Variants in NRXN1 observed in about 807,000 individuals in gnomAD.
NRXN1 encodes the protein neurexin 1.
Under a neutral mutation model 150.9 loss-of-function variants are expected in NRXN1, and 39 were observed. That is an observed-to-expected ratio of 0.26 (90% confidence interval 0.20 to 0.34). NRXN1 has a LOEUF of 0.34. Among genes scored for constraint, NRXN1 ranks in the 10% least tolerant of loss-of-function variants. The pLI is 1.00. For synonymous variants in NRXN1, 924 were observed against 757.0 expected (o/e 1.22, Z -3.62); for missense variants, 1,815 against 1,949.9 (o/e 0.93, Z 1.30).
At chr2:50,616,469 T>C (rs1559024696) in intron 8 of NRXN1, 1 of 152,194 alleles carries the variant, frequency 6.6e-6, no homozygotes, top group South Asian at 2.1e-4. Context: ...TGTTTCAATA[T>C]GTTGAGTGAT....
intron 10 of NRXN1, among the ~76,000 whole-genome samples, chr2:50,536,738 A>G (rs1010257153): frequency 6.6e-6 from 1 of 152,196 alleles, no homozygotes; most frequent in Non-Finnish European, 1.5e-5. Flanking sequence ...GCTTTGTTAC[A>G]TTGTTCATCC....
intron 17 of NRXN1, among the ~76,000 whole-genome samples, chr2:50,372,857 C>T (rs906534266): frequency 1.3e-5 from 2 of 151,988 alleles, no homozygotes; most frequent in African/African-American, 4.8e-5. Flanking sequence ...ATTGATCCTA[C>T]CAAATGCTCA....
chr2:51,030,722 G>A (rs1003329532), intron 1 of NRXN1, among the ~76,000 whole-genome samples: 2 of 152,078 alleles, frequency 1.3e-5, no homozygotes, highest in East Asian at 1.9e-4. Flanking sequence ...AAAGAGGCTC[G>A]TCAAATCATC....
chr2:50,972,106 G>A (rs1475363315), intron 2 of NRXN1, among the ~76,000 whole-genome samples: 1 of 151,190 alleles, frequency 6.6e-6, no homozygotes, highest in Non-Finnish European at 1.5e-5. Flanking sequence ...AAAATTATTT[G>A]CTGTGAAACA....
rs530371514 is a variant in NRXN1 at position 50,102,480 on chromosome 2, A to G, written c.3547-10986T>C. Among the ~76,000 whole-genome samples, 128 of 152,196 alleles carry G rather than the reference A, an allele frequency of 8.4e-4. 2 individuals carry two copies. The South Asian group carries it at 9.9e-3, about 12-fold the overall frequency. On this transcript the variant is annotated intron_variant, in intron 18 of 22. Transcript: ENST00000401669. ...ATATTTATGTACTTATTCAAAAACC[A>G]CAGACTTTTTACTATACTCCTGGCA...
chr2:50,826,707 C>T (rs1295849248), intron 5 of NRXN1, among the ~76,000 whole-genome samples: 2 of 152,020 alleles, frequency 1.3e-5, no homozygotes, highest in Middle Eastern at 3.2e-3. Context: ...GAAGAAACTT[C>T]GGCAGAAATT....
intron 9 of NRXN1, among the ~76,000 whole-genome samples, chr2:50,551,058 A>AAGAAGG (rs1667420711): frequency 7.6e-6 from 1 of 131,284 alleles, no homozygotes; most frequent in Non-Finnish European, 1.6e-5. Context: ...GAGGAAGAAG[A>AAGAAGG]AGAAGAAGAA....
intron 21 of NRXN1, among the ~76,000 whole-genome samples, chr2:49,962,600 T>C (rs17039577): frequency 0.41 from 62,194 of 151,920 alleles, 13,048 homozygotes; most frequent in South Asian, 0.53. Context: ...TGACCTTTCA[T>C]ATTTCCCATG....
chr2:50,319,302 G>A (rs12470453), intron 17 of NRXN1, among the ~76,000 whole-genome samples: 21,313 of 152,088 alleles, frequency 0.14, 1,719 homozygotes, highest in African/African-American at 0.21. Context: ...AACAAATAAA[G>A]TTAGAAATAC....
chr2:50,561,639 G>C (rs1461770494), intron 8 of NRXN1, among the ~76,000 whole-genome samples: 3 of 152,154 alleles, frequency 2.0e-5, no homozygotes, highest in Admixed American at 1.3e-4. Flanking sequence ...TACAAACGAA[G>C]AGCAGCCCAC....
intron 8 of NRXN1, among the ~76,000 whole-genome samples, chr2:50,597,001 C>A (rs537092489): frequency 1.3e-5 from 2 of 151,452 alleles, no homozygotes; most frequent in Non-Finnish European, 2.9e-5. Context: ...AACAGGCACA[C>A]GCCACCATCC....
intron 5 of NRXN1, among the ~76,000 whole-genome samples, chr2:50,781,072 T>G (rs909858400): frequency 7.5e-4 from 115 of 152,324 alleles, no homozygotes; most frequent in African/African-American, 2.6e-3. Context: ...TCATTACTTG[T>G]AGCAAAAGCA....
chr2:50,056,182 A>G (rs1287805134), intron 19 of NRXN1, among the ~76,000 whole-genome samples: 1 of 152,190 alleles, frequency 6.6e-6, no homozygotes, highest in Non-Finnish European at 1.5e-5. Flanking sequence ...CACTATCTGC[A>G]TAAAAAGACT....
chr2:49,950,456 T>C (rs905239085), intron 21 of NRXN1, among the ~76,000 whole-genome samples: 1 of 151,908 alleles, frequency 6.6e-6, no homozygotes, highest in African/African-American at 2.4e-5. Context: ...GCCCAATTAC[T>C]CAACAATGAA....
At chr2:50,633,242 G>A (rs944494492) in intron 5 of NRXN1, among the ~76,000 whole-genome samples, 3 of 151,950 alleles carry the variant, frequency 2.0e-5, no homozygotes, top group Admixed American at 2.0e-4. Context: ...AGTGAACTTG[G>A]AACATTTTAA....
intron 5 of NRXN1, among the ~76,000 whole-genome samples, chr2:50,754,130 T>C (rs1700923321): frequency 1.3e-5 from 2 of 151,812 alleles, no homozygotes; most frequent in Non-Finnish European, 2.9e-5. Flanking sequence ...ATTTAAATTA[T>C]AAAAATGAAA....
In NRXN1 at chr2:51,027,958, C is replaced by A. The variant is rs200576486; in HGVS notation, c.316G>T (p.Asp106Tyr). The A allele has an allele frequency of 1.7e-5, 27 of 1,602,384 alleles. No homozygotes were observed. Among genetic ancestry groups the A allele is most frequent in the Non-Finnish European group, 2.3e-5 (27 of 1,179,504 alleles). Residue 106 changes from aspartate (D) to tyrosine (Y), a missense_variant, in exon 2 of 23, where the codon GAC becomes TAC. Around this residue, in one of 6 missense-constraint regions of NRXN1, gnomAD observed 554 missense variants for 478.8 expected, o/e 1.16. Transcript: ENST00000401669. The stretch of plus-strand genomic sequence containing the variant: ...CAGGCGCCGTCGTTAACCGGCGTGT[C>A]GGCCAGGAGCGTCGCAGGCTCAGCG... ...FCAEPATLLA[D>Y]TPVNDGAWHS...
intron 21 of NRXN1, among the ~76,000 whole-genome samples, chr2:50,029,835 T>C (rs1688926828): frequency 6.6e-6 from 1 of 152,162 alleles, no homozygotes; most frequent in African/African-American, 2.4e-5. Context: ...CTTAGCCTTA[T>C]CCTTAATAAG....
chr2:50,808,966 G>C (rs920022774), intron 5 of NRXN1, among the ~76,000 whole-genome samples: 2 of 152,044 alleles, frequency 1.3e-5, no homozygotes, highest in African/African-American at 4.8e-5. Flanking sequence ...ACAACTTTTA[G>C]GAAAAAATCT....
Sources: allele counts gnomAD v4.1 joint callset (sites outside exome capture counted in the v4.1 genomes callset), GRCh38; gene constraint gnomAD v4.1.1; regional missense constraint gnomAD v4.1.1; transcripts MANE v1.5; gene names NCBI Gene and HGNC (gene_info 2026-07-23, HGNC 2026-07-21).